Variants in RBFOX1 observed in about 807,000 individuals in gnomAD.
The protein encoded by RBFOX1 is RNA binding fox-1 homolog 1, also known as RNA binding protein fox-1 homolog 1.
In RBFOX1, 8 loss-of-function variants were observed where a neutral mutation model predicts 57.7. The observed-to-expected ratio is 0.14, with a 90% CI of 0.08 to 0.25. RBFOX1 has a LOEUF of 0.25. Among genes scored for constraint, RBFOX1 ranks in the 10% least tolerant of loss-of-function variants. The probability of loss-of-function intolerance (pLI) is 1.00; values close to 1 mark genes in which losing one functional copy is unlikely to be tolerated. For missense variants in RBFOX1, 611 were observed against 548.5 expected, an observed-to-expected ratio of 1.11 and a Z score of -1.14; for synonymous variants, 326 against 222.4, an observed-to-expected ratio of 1.47 and a Z score of -4.15.
intron 3 of RBFOX1, 95 bp downstream of exon 3, chr16:6,654,745 T>A (rs1008093621): frequency 2.2e-6 from 2 of 912,788 alleles, no homozygotes; most frequent in African/African-American, 1.7e-5. Context: ...TCGATGATGG[T>A]TTTTAGGTGA....
In RBFOX1 at chr16:6,875,135, C is replaced by G. The variant is rs535337430; in HGVS notation, c.-15-176922C>G. Among the ~76,000 whole-genome samples, 31 of 152,186 alleles carry G rather than the reference C, an allele frequency of 2.0e-4. 1 individual carries two copies. The South Asian group carries it at 6.4e-3, about 32-fold the overall frequency. On this transcript the variant is annotated intron_variant, in intron 3 of 15. Transcript: ENST00000550418. ...ACTGTGTTACCCTAAGTTGCTTATA[C>G]CATTTAATCATATAATGCCTACAGT...
At chr16:7,470,007 G>C (rs915528296) in intron 4 of RBFOX1, among the ~76,000 whole-genome samples, 8 of 143,326 alleles carry the variant, frequency 5.6e-5, no homozygotes, top group Non-Finnish European at 1.2e-4. Context: ...AGGTGCTACA[G>C]CATGGGTCAG....
chr16:6,769,862 G>A (rs539040157), intron 3 of RBFOX1, among the ~76,000 whole-genome samples: 1 of 152,302 alleles, frequency 6.6e-6, no homozygotes, highest in Non-Finnish European at 1.5e-5. Context: ...GTTTGAAGAT[G>A]ATTTGTTTGG....
intron 1 of RBFOX1, among the ~76,000 whole-genome samples, chr16:6,246,593 G>A (rs572790834): frequency 6.5e-4 from 99 of 152,256 alleles, no homozygotes; most frequent in African/African-American, 2.2e-3. Context: ...TTGGCCAAAA[G>A]GAAAAGGGGT....
At chr16:6,597,902 A>G (rs1202277072) in intron 2 of RBFOX1, among the ~76,000 whole-genome samples, 2 of 152,216 alleles carry the variant, frequency 1.3e-5, no homozygotes, top group Non-Finnish European at 2.9e-5. Context: ...TATCCTCAGA[A>G]CAAACATTTG....
chr16:7,053,948 T>A (rs1343639977), intron 4 of RBFOX1, among the ~76,000 whole-genome samples: 3 of 152,206 alleles, frequency 2.0e-5, no homozygotes, highest in Middle Eastern at 3.4e-3. Flanking sequence ...AAAATTTAAA[T>A]AGTACCAAAG....
chr16:5,981,711 C>T (rs2060177166), intron 4 of RBFOX1, among the ~76,000 whole-genome samples: 2 of 152,124 alleles, frequency 1.3e-5, no homozygotes, highest in African/African-American at 2.4e-5. Context: ...TCGAGTGGTC[C>T]ACCTGCCTCA....
intron 3 of RBFOX1, among the ~76,000 whole-genome samples, chr16:6,818,609 A>G (rs1441908822): frequency 6.6e-6 from 1 of 152,154 alleles, no homozygotes; most frequent in African/African-American, 2.4e-5. Context: ...CTAGTAGGGC[A>G]TGTATCACTC....
chr16:7,383,794 A>C (rs922155068), intron 4 of RBFOX1, among the ~76,000 whole-genome samples: 2 of 152,160 alleles, frequency 1.3e-5, no homozygotes, highest in African/African-American at 2.4e-5. Context: ...AGGTGGCTCA[A>C]GCCTGTAATC....
chr16:6,019,109 G>A lies in RBFOX1; in HGVS notation c.-1010G>A. On this transcript the variant is annotated 5_prime_UTR_variant, in exon 1 of 16. An upstream start codon of the reference 5' UTR is lost. Coordinates refer to ENST00000550418, the MANE Select transcript of RBFOX1 (RefSeq NM_018723.4). This position sits in a 1 kb window ranked among gnomAD's most constrained non-coding sequence, Gnocchi z 4.2. Reference sequence around the variant, plus strand: ...CAGACACACACGCACACACACACATGCACACATTTTCTCGCGCTCTCTCCG... The same window carrying A: ...CAGACACACACGCACACACACACATACACACATTTTCTCGCGCTCTCTCCG... The A allele has an allele frequency of 5.1e-6, 5 of 984,584 alleles. No homozygotes were observed. The highest frequency in any genetic ancestry group is 4.8e-6 in the Non-Finnish European group (4 of 829,786). 61.0% of individuals were successfully genotyped at this position (984,584 alleles called of 1,614,324 possible).
chr16:7,418,746 C>CT (rs2098509006), intron 4 of RBFOX1, among the ~76,000 whole-genome samples: 1 of 152,116 alleles, frequency 6.6e-6, no homozygotes, highest in Non-Finnish European at 1.5e-5. Context: ...GTCTTATCCT[C>CT]TTTTCTCCTC....
intron 3 of RBFOX1, among the ~76,000 whole-genome samples, chr16:6,837,128 C>T (rs577650236): frequency 1.3e-5 from 2 of 152,328 alleles, no homozygotes; most frequent in Non-Finnish European, 2.9e-5. Flanking sequence ...TGTTTGCAAA[C>T]AGTACAGTTT....
chr16:6,124,171 G>C (rs865781967), intron 1 of RBFOX1, among the ~76,000 whole-genome samples: 1 of 152,062 alleles, frequency 6.6e-6, no homozygotes, highest in African/African-American at 2.4e-5. Flanking sequence ...AGAGGTATTT[G>C]GCATCAAAAA....
At chr16:6,952,237 C>T (rs75030822) in intron 3 of RBFOX1, among the ~76,000 whole-genome samples, 10,203 of 152,094 alleles carry the variant, frequency 0.067, 1,025 homozygotes, top group African/African-American at 0.21. Flanking sequence ...TAGGACCTTT[C>T]CCTGCTACGT....
intron 1 of RBFOX1, among the ~76,000 whole-genome samples, chr16:6,030,641 A>G (rs2095274638): frequency 6.6e-6 from 1 of 152,252 alleles, no homozygotes; most frequent in Non-Finnish European, 1.5e-5. Context: ...TACATAAATT[A>G]CAGCCCTTTA....
intron 4 of RBFOX1, among the ~76,000 whole-genome samples, chr16:7,173,005 C>G (rs1255071910): frequency 3.9e-5 from 6 of 152,118 alleles, no homozygotes; most frequent in Non-Finnish European, 8.8e-5. Flanking sequence ...AGAAAAACTA[C>G]CACGTGTGTA....
intron 1 of RBFOX1, among the ~76,000 whole-genome samples, chr16:6,241,147 C>T (rs1392061874): frequency 6.6e-6 from 1 of 152,172 alleles, no homozygotes; most frequent in Non-Finnish European, 1.5e-5. Context: ...TAGAGGAAAG[C>T]CCAGCACCCC....
chr16:7,370,007 C>G (rs916010158), intron 4 of RBFOX1, among the ~76,000 whole-genome samples: 1 of 152,186 alleles, frequency 6.6e-6, no homozygotes, highest in Non-Finnish European at 1.5e-5. Flanking sequence ...AGAATTCATA[C>G]TTTTTAATTA....
intron 4 of RBFOX1, among the ~76,000 whole-genome samples, chr16:7,419,098 G>T (rs1485058739): frequency 2.0e-5 from 3 of 152,076 alleles, no homozygotes; most frequent in Non-Finnish European, 4.4e-5. Context: ...ACTAGAGACA[G>T]GGTTTCGCCA....
Sources: gnomAD v4.1 joint callset for allele counts (sites outside exome capture counted in the v4.1 genomes callset) on GRCh38, gnomAD v4.1.1 for gene constraint, Gnocchi (gnomAD v3.1) non-coding constraint, MANE v1.5 for transcripts, NCBI Gene and HGNC (gene_info 2026-07-23, HGNC 2026-07-21) for gene names.